CSMD1: variants seen among roughly 807,000 people sequenced by gnomAD.
CSMD1 encodes the protein CUB and Sushi multiple domains 1, also known as CUB and sushi domain-containing protein 1.
A neutral mutation model predicts 417.5 loss-of-function variants in CSMD1; 213 were observed. The observed-to-expected ratio is 0.51, with a 90% confidence interval of 0.46 to 0.57. The LOEUF (loss-of-function observed/expected upper bound fraction) is 0.57. Among genes scored for constraint, CSMD1 ranks in the 20% least tolerant of loss-of-function variants. The pLI is 0.00. For synonymous variants in CSMD1, 2,862 were observed against 1,736.8 expected (o/e 1.65, Z -16.11); for missense variants, 6,923 against 4,529.7 (o/e 1.53, Z -15.17).
intron 5 of CSMD1, among the ~76,000 whole-genome samples, chr8:3,796,907 C>G (rs1173919964): frequency 1.3e-5 from 2 of 151,756 alleles, no homozygotes; most frequent in South Asian, 2.1e-4. Context: ...TGCCTAACAA[C>G]TCATTATAGC....
At chr8:4,498,554 C>A (rs993953684) in intron 2 of CSMD1, among the ~76,000 whole-genome samples, 1 of 152,082 alleles carries the variant, frequency 6.6e-6, no homozygotes, top group Non-Finnish European at 1.5e-5. Flanking sequence ...AATGTCCAGA[C>A]TCGTACTGAA....
chr8:4,215,770 G>C (rs1200957521), intron 3 of CSMD1, among the ~76,000 whole-genome samples: 1 of 151,914 alleles, frequency 6.6e-6, no homozygotes, highest in Non-Finnish European at 1.5e-5. Context: ...TTAAAACATT[G>C]TTTTCTTGGT....
intron 28 of CSMD1, among the ~76,000 whole-genome samples, chr8:3,222,464 C>G (rs896798908): frequency 2.6e-5 from 4 of 152,042 alleles, no homozygotes; most frequent in Non-Finnish European, 5.9e-5. Context: ...AATACACAAG[C>G]ACACCAAGCC....
At chr8:3,937,386 T>C (rs1372938061) in intron 5 of CSMD1, among the ~76,000 whole-genome samples, 3 of 152,132 alleles carry the variant, frequency 2.0e-5, no homozygotes, top group South Asian at 2.1e-4. Context: ...AACTTTACTG[T>C]TGTCTTATTT....
intron 11 of CSMD1, among the ~76,000 whole-genome samples, chr8:3,478,098 G>C (rs1308705423): frequency 6.6e-6 from 1 of 152,078 alleles, no homozygotes; most frequent in Non-Finnish European, 1.5e-5. Flanking sequence ...CATTTACTTT[G>C]ACTCATGCAC....
intron 3 of CSMD1, among the ~76,000 whole-genome samples, chr8:4,263,912 T>G (rs1357426066): frequency 6.6e-6 from 1 of 152,146 alleles, no homozygotes; most frequent in Non-Finnish European, 1.5e-5. Context: ...AGTCCTGCAG[T>G]TTTCTAAATA....
At chr8:4,650,912 A>T (rs865810688) in intron 1 of CSMD1, among the ~76,000 whole-genome samples, 2 of 152,214 alleles carry the variant, frequency 1.3e-5, no homozygotes, top group African/African-American at 4.8e-5. Context: ...GGATAATACT[A>T]TTCTTATTTG....
chr8:4,719,768 T>C (rs1302803074), intron 1 of CSMD1, among the ~76,000 whole-genome samples: 1 of 152,186 alleles, frequency 6.6e-6, no homozygotes, highest in African/African-American at 2.4e-5. Context: ...ATTTTCAAAG[T>C]ACAAATTATT....
Position 3,408,006 on chromosome 8 carries a change from G to T in CSMD1, c.1964C>A (p.Ser655Tyr). 1 of 1,613,926 alleles carries T rather than the reference G, an allele frequency of 6.2e-7. No homozygotes were observed. Among genetic ancestry groups the T allele is most frequent in the South Asian group, 1.1e-5 (1 of 91,078 alleles). Residue 655 changes from serine (S) to tyrosine (Y), a missense_variant, in exon 14 of 70, where the codon TCT becomes TAT. Coordinates refer to ENST00000635120, the MANE Select transcript of CSMD1 (RefSeq NM_033225.6). The stretch of plus-strand genomic sequence containing the variant: ...CAGCTGGGAAGGCACTTCATTGCCA[G>T]AAAAAGTACCCAGGACAGTTATGTC... ...ISDITVLGTF[S>Y]GNEVPSQLAS...
In CSMD1 at chr8:3,858,881, G is replaced by C. The variant is rs548408658; in HGVS notation, c.819-104839C>G. Among the ~76,000 whole-genome samples the C allele has an allele frequency of 4.6e-5, 7 of 152,034 alleles. No homozygotes were observed. In the South Asian group the frequency reaches 6.2e-4, roughly 14 times the overall value. On this transcript the variant is annotated intron_variant, in intron 5 of 69. Coordinates refer to ENST00000635120, the MANE Select transcript of CSMD1 (RefSeq NM_033225.6). ...ATGCTCCAGTAGGATCAGGTTTATC[G>C]TGACAATGTAAATCTATATATTTTA...
chr8:4,461,296 C>CTG (rs2129947891), intron 2 of CSMD1, among the ~76,000 whole-genome samples: 1 of 152,138 alleles, frequency 6.6e-6, no homozygotes, highest in East Asian at 1.9e-4. Context: ...AAATATTGAA[C>CTG]ATTTTCTGCC....
At position 2,962,308 on chromosome 8, in the gene CSMD1, G is replaced by A. The variant is rs947858412; in HGVS notation, c.9628+158C>T. Among the ~76,000 whole-genome samples the A allele has an allele frequency of 3.3e-5, 5 of 152,234 alleles. No homozygotes were observed. The South Asian group carries it at 8.3e-4, about 25-fold the overall frequency. On this transcript the variant is annotated intron_variant, in intron 61 of 69. Transcript: ENST00000635120. ...GAGGTGGCACATCAGTTTAGCTGAT[G>A]AGTGCGCAATCCTACTCAGTGCAAA...
At chr8:3,597,054 T>C (rs529352403) in intron 8 of CSMD1, among the ~76,000 whole-genome samples, 67 of 152,254 alleles carry the variant, frequency 4.4e-4, no homozygotes, top group Admixed American at 1.9e-3. Context: ...CTGCAAGATA[T>C]TGGCCGATAA....
At chr8:3,357,934 A>T (rs1361559995) in intron 21 of CSMD1, among the ~76,000 whole-genome samples, 1 of 152,188 alleles carries the variant, frequency 6.6e-6, no homozygotes, top group Non-Finnish European at 1.5e-5. Flanking sequence ...TTATTTGTTT[A>T]ATTTTTTAAT....
intron 5 of CSMD1, among the ~76,000 whole-genome samples, chr8:3,903,209 T>C (rs1807879289): frequency 6.6e-6 from 1 of 152,128 alleles, no homozygotes; most frequent in African/African-American, 2.4e-5. Flanking sequence ...AGTGTGACTC[T>C]GCACCAGTGG....
chr8:4,815,225 TG>T (rs1799136932), intron 1 of CSMD1, among the ~76,000 whole-genome samples: 3 of 151,394 alleles, frequency 2.0e-5, no homozygotes, highest in Non-Finnish European at 4.4e-5. Flanking sequence ...TTTCATCAAA[TG>T]ATTATTTGAT....
chr8:2,984,408 G>C lies in CSMD1; in HGVS notation c.8378-5608C>G, dbSNP rs181084066. On this transcript the variant is annotated intron_variant, in intron 54 of 69. Coordinates refer to ENST00000635120, the MANE Select transcript of CSMD1 (RefSeq NM_033225.6). ...CTGTTGCCCAGGCTGGAGTGCAGTG[G>C]CATTATCTTGGCTCACTGCAACCTC... 3.3e-5 allele frequency among the ~76,000 whole-genome samples: 5 copies of C among 151,900 alleles called. No individual in the cohort carries two copies. The East Asian group carries it at 9.7e-4, about 30-fold the overall frequency.
chr8:3,289,232 G>T (rs979800245), intron 25 of CSMD1, among the ~76,000 whole-genome samples: 5 of 147,264 alleles, frequency 3.4e-5, no homozygotes, highest in African/African-American at 1.4e-4. Context: ...ATCGTTGTTG[G>T]ACATTTAGGT....
intron 2 of CSMD1, among the ~76,000 whole-genome samples, chr8:4,460,311 A>C (rs1799735488): frequency 6.6e-6 from 1 of 152,116 alleles, no homozygotes; most frequent in Non-Finnish European, 1.5e-5. Flanking sequence ...AAATACATCA[A>C]AATGTATGAA....
Sources: gnomAD v4.1 joint callset for allele counts (sites outside exome capture counted in the v4.1 genomes callset) on GRCh38, gnomAD v4.1.1 for gene constraint, MANE v1.5 for transcripts, NCBI Gene and HGNC (gene_info 2026-07-23, HGNC 2026-07-21) for gene names.